Variants in GPC4 observed in about 807,000 individuals in gnomAD.
The protein encoded by GPC4 is glypican 4, also known as glypican-4.
GPC4 carries 10 observed loss-of-function variants against 35.0 expected under a neutral mutation model. That is an observed-to-expected ratio of 0.29 (90% confidence interval 0.18 to 0.48). The LOEUF (loss-of-function observed/expected upper bound fraction) is 0.48, where lower values mean the gene tolerates loss of function less well. GPC4 is among the 20% of genes least tolerant of loss of function. The probability of loss-of-function intolerance (pLI) is 0.99; values close to 1 mark genes in which losing one functional copy is unlikely to be tolerated. For missense variants in GPC4, 322 were observed against 451.3 expected, an observed-to-expected ratio of 0.71 and a Z score of 2.60; for synonymous variants, 167 against 170.2, an observed-to-expected ratio of 0.98 and a Z score of 0.15.
intron 1 of GPC4, among the ~76,000 whole-genome samples, chrX:133,378,413 CA>C (rs775357553): frequency 2.8e-5 from 3 of 107,002 alleles, no homozygotes; most frequent in Non-Finnish European, 5.8e-5. Context: ...TAAAAAAATA[CA>C]AAAAAAACTA....
At chrX:133,327,636 A>AGTTT (rs1289042509) in intron 2 of GPC4, among the ~76,000 whole-genome samples, 25 of 83,287 alleles carry the variant, frequency 3.0e-4, no homozygotes, top group African/African-American at 9.7e-4. Context: ...TGTCCAGGAA[A>AGTTT]GTGTGTGTGT....
At chrX:133,375,021 C>T (rs1234590253) in intron 1 of GPC4, among the ~76,000 whole-genome samples, 1 of 112,097 alleles carries the variant, frequency 8.9e-6, no homozygotes, top group Non-Finnish European at 1.9e-5. Flanking sequence ...ACAATATAAA[C>T]ACTTCCACTT....
At chrX:133,365,703 C>A (rs2068586835) in intron 1 of GPC4, among the ~76,000 whole-genome samples, 1 of 112,208 alleles carries the variant, frequency 8.9e-6, no homozygotes, top group African/African-American at 3.2e-5. Context: ...TCTTAGGAAT[C>A]TCTATTAAAG....
intron 1 of GPC4, among the ~76,000 whole-genome samples, chrX:133,391,170 G>A (rs889667783): frequency 8.9e-6 from 1 of 111,912 alleles, no homozygotes; most frequent in Non-Finnish European, 1.9e-5. Flanking sequence ...ATCTGCCTAC[G>A]CTTATGAGTT....
chrX:133,404,374 C>T (rs975543226), intron 1 of GPC4, among the ~76,000 whole-genome samples: 2 of 106,306 alleles, frequency 1.9e-5, no homozygotes, highest in Admixed American at 2.0e-4. Flanking sequence ...GGAGAAACCC[C>T]GTCTCTACTA....
intron 1 of GPC4, among the ~76,000 whole-genome samples, chrX:133,340,925 C>T (rs1487956621): frequency 1.8e-5 from 2 of 111,305 alleles, no homozygotes; most frequent in South Asian, 7.6e-4. Flanking sequence ...ACTTCCTCAT[C>T]CAGAAACTGC....
intron 1 of GPC4, among the ~76,000 whole-genome samples, chrX:133,394,703 A>G (rs1057439069): frequency 2.7e-5 from 3 of 111,525 alleles, no homozygotes; most frequent in African/African-American, 9.8e-5. Flanking sequence ...TCAGAGACTA[A>G]GAGATATGAA....
intron 1 of GPC4, among the ~76,000 whole-genome samples, chrX:133,409,268 A>T (rs2068802546): frequency 1.1e-5 from 1 of 92,955 alleles, no homozygotes; most frequent in Admixed American, 1.4e-4. Flanking sequence ...GGTTGCGATG[A>T]GGCAAGATCA....
Position 133,415,051 on chromosome X carries a change from G to A in GPC4, c.-86C>T. 3.1e-6 allele frequency: 3 copies of A among 970,042 alleles called. No individual in the cohort carries two copies. The highest frequency in any genetic ancestry group is 1.9e-5 in the African/African-American group (1 of 52,812). 79.9% of individuals were successfully genotyped at this position (970,042 alleles called of 1,213,427 possible). On this transcript the variant is annotated 5_prime_UTR_variant, in exon 1 of 9. Transcript: ENST00000370828. Reference sequence around the variant, plus strand: ...CAGCGGGCCGAGGGCTGGCGGAGTCGGGGACTAGCGAGTGGAGCTGGAGGG... The same window carrying A: ...CAGCGGGCCGAGGGCTGGCGGAGTCAGGGACTAGCGAGTGGAGCTGGAGGG...
At chrX:133,330,769 C>A (rs987215947) in intron 2 of GPC4, among the ~76,000 whole-genome samples, 3 of 110,059 alleles carry the variant, frequency 2.7e-5, no homozygotes, top group Non-Finnish European at 5.7e-5. Context: ...AAAGTGAGAC[C>A]CCATCTCTAC....
At chrX:133,321,571 G>A (rs1203237376) in intron 3 of GPC4, among the ~76,000 whole-genome samples, 1 of 112,579 alleles carries the variant, frequency 8.9e-6, no homozygotes, top group Non-Finnish European at 1.9e-5. Context: ...TGCATGCACA[G>A]ATGTCCAAAT....
At chrX:133,391,542 A>G (rs1199779570) in intron 1 of GPC4, among the ~76,000 whole-genome samples, 1 of 112,279 alleles carries the variant, frequency 8.9e-6, no homozygotes, top group Non-Finnish European at 1.9e-5. Context: ...TGGACCTTAC[A>G]TATTGTTCTT....
In GPC4 at chrX:133,301,468, C is replaced by A. The variant is rs2068266688; in HGVS notation, c.*1399G>T. 8.9e-6 allele frequency: 1 copy of A among 112,668 alleles called. No homozygotes were observed. Among genetic ancestry groups the A allele is most frequent in the African/African-American group, 3.2e-5 (1 of 31,003 alleles). 9.3% of individuals were successfully genotyped at this position (112,668 alleles called of 1,213,427 possible). ...GCAGTTGTTAGTCTTTGGCCTGGGA[C>A]AACAGATATGGCCATGGCCTTTGCC... On this transcript the variant is annotated 3_prime_UTR_variant, in exon 9 of 9. Coordinates refer to ENST00000370828, the MANE Select transcript of GPC4 (RefSeq NM_001448.3).
At chrX:133,329,270 A>C (rs1362157064) in intron 2 of GPC4, among the ~76,000 whole-genome samples, 1 of 112,259 alleles carries the variant, frequency 8.9e-6, no homozygotes, top group Non-Finnish European at 1.9e-5. Flanking sequence ...GTAGATGCTC[A>C]ACAAATAAAC....
intron 3 of GPC4, among the ~76,000 whole-genome samples, chrX:133,315,574 C>T (rs763193270): frequency 1.5e-3 from 167 of 111,479 alleles, no homozygotes; most frequent in African/African-American, 5.1e-3. Context: ...AAATCAATTA[C>T]TTCTTTTGAG....
intron 1 of GPC4, among the ~76,000 whole-genome samples, chrX:133,372,828 T>G (rs1046709925): frequency 8.9e-6 from 1 of 112,305 alleles, no homozygotes. Context: ...GAAAGCCAAA[T>G]GACCCTACAG....
At chrX:133,364,954 T>A (rs2068583819) in intron 1 of GPC4, among the ~76,000 whole-genome samples, 3 of 111,868 alleles carry the variant, frequency 2.7e-5, no homozygotes, top group Admixed American at 1.9e-4. Context: ...CTGGCATGGG[T>A]GGGTAAAATG....
intron 1 of GPC4, among the ~76,000 whole-genome samples, chrX:133,379,326 A>C (rs892356537): frequency 2.7e-5 from 3 of 112,418 alleles, no homozygotes; most frequent in South Asian, 7.4e-4. Flanking sequence ...AAAGTCATAT[A>C]TTGTATGATT....
intron 1 of GPC4, among the ~76,000 whole-genome samples, chrX:133,414,103 C>T (rs1449675923): frequency 1.8e-5 from 2 of 111,130 alleles, no homozygotes; most frequent in African/African-American, 6.5e-5. Flanking sequence ...CTCCTCTGGT[C>T]TGATACCTTC....
Sources: allele counts gnomAD v4.1 joint callset (sites outside exome capture counted in the v4.1 genomes callset), GRCh38; gene constraint gnomAD v4.1.1; transcripts MANE v1.5; gene names NCBI Gene and HGNC (gene_info 2026-07-23, HGNC 2026-07-21).